SLC37A1: variants seen among roughly 807,000 people sequenced by gnomAD.
The protein encoded by SLC37A1 is solute carrier family 37 member 1.
A neutral mutation model predicts 75.3 loss-of-function variants in SLC37A1; 49 were observed. That is an observed-to-expected ratio of 0.65 (90% CI 0.52 to 0.83). The LOEUF (loss-of-function observed/expected upper bound fraction) is 0.83, where lower values mean the gene tolerates loss of function less well. Ranked by LOEUF, SLC37A1 falls within the 40% of genes least tolerant of loss-of-function variation. SLC37A1 has a pLI of 0.00. For missense variants in SLC37A1, 566 were observed against 695.0 expected, an observed-to-expected ratio of 0.81 and a Z score of 2.09; for synonymous variants, 268 against 292.1, an observed-to-expected ratio of 0.92 and a Z score of 0.84.
chr21:42,529,736 T>C (rs2054896722), intron 3 of SLC37A1, among the ~76,000 whole-genome samples: 1 of 152,176 alleles, frequency 6.6e-6, no homozygotes, highest in Non-Finnish European at 1.5e-5. Context: ...CCAGGAAATA[T>C]GTGAATGGTG....
At chr21:42,534,380 G>A (rs978818387) in intron 3 of SLC37A1, among the ~76,000 whole-genome samples, 2 of 152,144 alleles carry the variant, frequency 1.3e-5, no homozygotes, top group South Asian at 2.1e-4. Flanking sequence ...ACAGGCAGTC[G>A]GCTTTCAGCT....
At position 42,570,208 on chromosome 21, in the gene SLC37A1, C is replaced by CGGCG. The variant is rs1569041444; in HGVS notation, c.1423+1773_1423+1774insGGGC. Among the ~76,000 whole-genome samples, 4 of 117,490 alleles carry CGGCG rather than the reference C, an allele frequency of 3.4e-5. 1 individual carries two copies. Among genetic ancestry groups the CGGCG allele is most frequent in the Admixed American group, 1.8e-4 (2 of 11,138 alleles). 77.1% of individuals were successfully genotyped at this position (117,490 alleles called of 152,430 possible). ...TGACACATGGCCTGGTTCTGAGAAG[C>CGGCG]GGCAGGCAGGGTGGCCGTTGCCATG... On this transcript the variant is annotated intron_variant, in intron 17 of 19. Coordinates refer to ENST00000352133, the MANE Select transcript of SLC37A1 (RefSeq NM_001320537.2).
chr21:42,541,198 G>A (rs993877021), intron 6 of SLC37A1, among the ~76,000 whole-genome samples: 24 of 152,202 alleles, frequency 1.6e-4, no homozygotes, highest in African/African-American at 4.1e-4. Context: ...AGAATCTAAC[G>A]CCCCGCTGAT....
rs1161313598 is a variant in SLC37A1, at chr21:42,530,654, A to ACACACACACACCCCC, written c.139-4043_139-4042insACACACACACCCCCC. ...CACACACACACACACACACACACACACCCCCTCTGTGTTGGCTGAAGGTGG... is the reference window on the plus strand; with the variant it reads ...CACACACACACACACACACACACACACACACACACACCCCCCCCCCTCTGTGTTGGCTGAAGGTGG... On this transcript the variant is annotated intron_variant, in intron 3 of 19. Coordinates refer to ENST00000352133, the MANE Select transcript of SLC37A1 (RefSeq NM_001320537.2). Among the ~76,000 whole-genome samples, 21 of 35,892 alleles carry ACACACACACACCCCC rather than the reference A, an allele frequency of 5.9e-4. 1 individual carries two copies. The highest frequency in any genetic ancestry group is 8.9e-4 in the Non-Finnish European group (17 of 19,102). The allele number at this position is 35,892 out of a possible 152,430, so 23.5% of individuals were successfully genotyped here.
intron 9 of SLC37A1, among the ~76,000 whole-genome samples, chr21:42,550,664 A>C (rs1016498159): frequency 3.3e-5 from 5 of 152,246 alleles, no homozygotes; most frequent in Non-Finnish European, 7.3e-5. Flanking sequence ...AGTATCTTTT[A>C]TGAGTGTAGA....
chr21:42,540,477 C>A lies in SLC37A1; in HGVS notation c.486+830C>A, dbSNP rs556441349. Among the ~76,000 whole-genome samples the A allele has an allele frequency of 1.8e-3, 270 of 152,138 alleles. 1 individual carries two copies. Among genetic ancestry groups the A allele is most frequent in the African/African-American group, 5.9e-3 (246 of 41,496 alleles). ...GGGATGCAAGGGCGGAAGGAAGGGC[C>A]GACTTTGGAGTTGGGCAGCAGGAGG... On this transcript the variant is annotated intron_variant, in intron 6 of 19. Transcript: ENST00000352133.
At chr21:42,527,722 T>C (rs2054835344) in intron 3 of SLC37A1, among the ~76,000 whole-genome samples, 2 of 152,030 alleles carry the variant, frequency 1.3e-5, no homozygotes, top group South Asian at 4.2e-4. Flanking sequence ...TTTGTCCGGG[T>C]TTAATTACCT....
At position 42,561,882 on chromosome 21, in the gene SLC37A1, C is replaced by A. The variant is rs149183870; in HGVS notation, c.982-196C>A. On this transcript the variant is annotated intron_variant, in intron 11 of 19. Coordinates refer to ENST00000352133, the MANE Select transcript of SLC37A1 (RefSeq NM_001320537.2). ...CCCTGGTGCCCCTGCTCGGGGTGAGCGCTCCACTGTTCCCGCGTCCTCACT... is the reference window on the plus strand; with the variant it reads ...CCCTGGTGCCCCTGCTCGGGGTGAGAGCTCCACTGTTCCCGCGTCCTCACT... 21 of 556,802 alleles carry A rather than the reference C, an allele frequency of 3.8e-5. No individual in the cohort carries two copies. The South Asian group carries it at 4.8e-4, about 13-fold the overall frequency. 34.5% of individuals were successfully genotyped at this position (556,802 alleles called of 1,614,324 possible).
At chr21:42,526,915 G>A (rs935944680) in intron 3 of SLC37A1, among the ~76,000 whole-genome samples, 1 of 152,164 alleles carries the variant, frequency 6.6e-6, no homozygotes, top group Admixed American at 6.5e-5. Flanking sequence ...TCTCAAATCA[G>A]TACCAGTAAC....
At chr21:42,549,885 T>TA (rs2055514189) in intron 9 of SLC37A1, among the ~76,000 whole-genome samples, 1 of 152,194 alleles carries the variant, frequency 6.6e-6, no homozygotes, top group South Asian at 2.1e-4. Context: ...TTTAAACATA[T>TA]AAAAAGGTAA....
At chr21:42,511,689 G>A (rs562394958), upstream of SLC37A1, among the ~76,000 whole-genome samples, 5 of 152,192 alleles carry the variant, frequency 3.3e-5, no homozygotes, top group African/African-American at 1.2e-4. Flanking sequence ...GGAGGCTGAG[G>A]GGGAGGATCA....
chr21:42,572,510 CAG>C (rs545611960), intron 17 of SLC37A1, among the ~76,000 whole-genome samples: 387 of 152,076 alleles, frequency 2.5e-3, no homozygotes, highest in Non-Finnish European at 3.4e-3. Context: ...TACACTTTCT[CAG>C]GGAGATTCTT....
At chr21:42,542,992 A>G (rs894305468) in intron 7 of SLC37A1, among the ~76,000 whole-genome samples, 9 of 152,246 alleles carry the variant, frequency 5.9e-5, no homozygotes, top group African/African-American at 2.2e-4. Context: ...GATCGCAAAC[A>G]AGATGCGGAA....
upstream of SLC37A1, among the ~76,000 whole-genome samples, chr21:42,513,049 C>A (rs2054454308): frequency 6.6e-6 from 1 of 152,206 alleles, no homozygotes; most frequent in Admixed American, 6.5e-5. Context: ...GGCTTTTTCC[C>A]CGGAAAATTT....
chr21:42,561,886 C>T (rs372262889), intron 11 of SLC37A1, 192 bp from the exon 12 acceptor site: 6 of 567,320 alleles, frequency 1.1e-5, no homozygotes, highest in Admixed American at 2.9e-5. Flanking sequence ...GGTGAGCGCT[C>T]CACTGTTCCC....
rs752557757 is a variant in SLC37A1 at position 42,566,979 on chromosome 21, C to T, written c.1271-6C>T. 3 of 1,605,592 alleles carry T rather than the reference C, an allele frequency of 1.9e-6. No homozygotes were observed. The highest frequency in any genetic ancestry group is 2.5e-6 in the Non-Finnish European group (3 of 1,179,696). On this transcript the variant is annotated splice_polypyrimidine_tract_variant and splice_region_variant and intron_variant, in intron 15 of 19. Transcript: ENST00000352133. ...TTTCCATTCTTTGCCCCTCTGCCTCCCACAGCCATGCTGCTGCTCAGCGGA... is the reference window on the plus strand; with the variant it reads ...TTTCCATTCTTTGCCCCTCTGCCTCTCACAGCCATGCTGCTGCTCAGCGGA...
intron 17 of SLC37A1, among the ~76,000 whole-genome samples, chr21:42,572,065 G>A (rs537872701): frequency 1.3e-5 from 2 of 152,298 alleles, no homozygotes; most frequent in South Asian, 4.1e-4. Context: ...GGGGAGGTGG[G>A]TTCTGCAAGC....
intron 17 of SLC37A1, among the ~76,000 whole-genome samples, chr21:42,571,351 G>C (rs560645447): frequency 6.6e-6 from 1 of 152,368 alleles, no homozygotes; most frequent in South Asian, 2.1e-4. Flanking sequence ...CGCCTGGGGC[G>C]TTCACAGTGC....
chr21:42,543,016 C>T (rs899275183), intron 7 of SLC37A1, among the ~76,000 whole-genome samples: 2 of 152,256 alleles, frequency 1.3e-5, no homozygotes, highest in Non-Finnish European at 2.9e-5. Flanking sequence ...AAAACGGGAA[C>T]ACCAGCGTCA....
Sources: gnomAD v4.1 joint callset for allele counts (sites outside exome capture counted in the v4.1 genomes callset) on GRCh38, gnomAD v4.1.1 for gene constraint, MANE v1.5 for transcripts, NCBI Gene and HGNC (gene_info 2026-07-23, HGNC 2026-07-21) for gene names.